The following CELF2 variants were observed in gnomAD, a reference collection of about 807,000 sequenced individuals.
The protein encoded by CELF2 is CUG triplet repeat RNA-binding protein 2.
Under a neutral mutation model 62.6 loss-of-function variants are expected in CELF2, and 8 were observed. The ratio of observed to expected loss-of-function variants is 0.13; its 90% CI spans 0.07 to 0.23. The LOEUF (loss-of-function observed/expected upper bound fraction) is 0.23. Among genes scored for constraint, CELF2 ranks in the 10% least tolerant of loss-of-function variants. The probability of loss-of-function intolerance (pLI) is 1.00; values close to 1 mark genes in which losing one functional copy is unlikely to be tolerated. For synonymous variants in CELF2, 258 were observed against 250.0 expected, an observed-to-expected ratio of 1.03 and a Z score of -0.30; for missense variants, 333 against 671.0, an observed-to-expected ratio of 0.50 and a Z score of 5.56.
chr10:11,103,092 G>C (rs139816305), intron 1 of CELF2, among the ~76,000 whole-genome samples: 3 of 151,970 alleles, frequency 2.0e-5, no homozygotes, highest in Non-Finnish European at 4.4e-5. Flanking sequence ...AAGTCCTAAG[G>C]GTGCCTCACA....
the CELF2 span, among the ~76,000 whole-genome samples, chr10:10,650,440 G>T: frequency 6.6e-6 from 1 of 152,112 alleles, no homozygotes; most frequent in Non-Finnish European, 1.5e-5. Context: ...TTAAAGATAT[G>T]CATACTCTGT....
In CELF2 at chr10:11,261,456, C is replaced by A. The variant is rs76923680; in HGVS notation, c.538+3584C>A. 7.3e-3 allele frequency among the ~76,000 whole-genome samples: 1,082 copies of A among 149,036 alleles called. 17 individuals are homozygous for A. The highest frequency in any genetic ancestry group is 0.055 in the East Asian group (275 of 4,996). ...TTGTAAGTCGTGATCTACCTTTTGG[C>A]AAGAAAAGAAAGTATTTTTAAAATC... On this transcript the variant is annotated intron_variant, in intron 5 of 12. Transcript: ENST00000633077.
At position 11,043,061 on chromosome 10, in the gene CELF2, A is replaced by G. The variant is rs767839819; in HGVS notation, c.74+24898A>G. Among the ~76,000 whole-genome samples the G allele has an allele frequency of 1.8e-4, 27 of 152,318 alleles. 1 individual carries two copies. The South Asian group carries it at 2.9e-3, about 16-fold the overall frequency. ...AGGAGTGAAGTTGCTTGGTCATGCAATAGTTTTTGAGGAAATGTCAACCTG... is the reference window on the plus strand; with the variant it reads ...AGGAGTGAAGTTGCTTGGTCATGCAGTAGTTTTTGAGGAAATGTCAACCTG... On this transcript the variant is annotated intron_variant, in intron 1 of 12. Transcript: ENST00000633077.
At chr10:10,523,706 C>T in the CELF2 span, among the ~76,000 whole-genome samples, 1 of 152,172 alleles carries the variant, frequency 6.6e-6, no homozygotes, top group Admixed American at 6.5e-5. Context: ...TTTTCCATTA[C>T]AACTAGGGAT....
the CELF2 span, among the ~76,000 whole-genome samples, chr10:10,622,940 G>A: frequency 8.6e-5 from 13 of 151,678 alleles, no homozygotes; most frequent in East Asian, 7.8e-4. Flanking sequence ...AAACGTAGCC[G>A]GGCGTGGTGG....
intron 1 of CELF2, chr10:10,919,841 A>G (rs1346942163): frequency 1.9e-6 from 1 of 533,492 alleles, no homozygotes; most frequent in Non-Finnish European, 2.9e-6. Context: ...CTTTCTAACC[A>G]CCTGCATGTA....
the CELF2 span, among the ~76,000 whole-genome samples, chr10:10,470,261 T>A: frequency 5.3e-5 from 8 of 151,890 alleles, no homozygotes; most frequent in Non-Finnish European, 1.5e-5. Flanking sequence ...CATTAATAGT[T>A]TGTGTCTTCT....
the CELF2 span, among the ~76,000 whole-genome samples, chr10:10,543,926 G>A: frequency 3.5e-3 from 538 of 152,222 alleles, 2 homozygotes; most frequent in Middle Eastern, 0.017. Flanking sequence ...AAATGCATGC[G>A]CCCCTAATGA....
chr10:10,593,468 A>G, the CELF2 span, among the ~76,000 whole-genome samples: 1 of 152,218 alleles, frequency 6.6e-6, no homozygotes, highest in Non-Finnish European at 1.5e-5. Context: ...ATGCCCAAGC[A>G]TCTCTCAAGT....
At chr10:11,192,988 G>A (rs1347874729) in intron 2 of CELF2, among the ~76,000 whole-genome samples, 1 of 152,214 alleles carries the variant, frequency 6.6e-6, no homozygotes, top group Non-Finnish European at 1.5e-5. Context: ...GACTTTGGCA[G>A]TGTCTGTGAA....
At chr10:11,250,574 C>T (rs556982787) in intron 4 of CELF2, among the ~76,000 whole-genome samples, 6 of 152,280 alleles carry the variant, frequency 3.9e-5, no homozygotes, top group East Asian at 1.9e-4. Flanking sequence ...CCGTGTGCCA[C>T]GCATGTTGCT....
chr10:10,900,507 A>G (rs1047419084), intron 1 of CELF2, among the ~76,000 whole-genome samples: 3 of 152,204 alleles, frequency 2.0e-5, no homozygotes, highest in East Asian at 1.9e-4. Context: ...AAAACTCTAC[A>G]TTCATTCTTG....
the CELF2 span, among the ~76,000 whole-genome samples, chr10:10,691,781 G>GT: frequency 6.8e-6 from 1 of 147,138 alleles, no homozygotes; most frequent in Non-Finnish European, 1.5e-5. Context: ...TTTTTCATGT[G>GT]TTTTTTGGCT....
chr10:10,564,217 G>C, the CELF2 span, among the ~76,000 whole-genome samples: 3 of 152,222 alleles, frequency 2.0e-5, no homozygotes, highest in Non-Finnish European at 4.4e-5. Flanking sequence ...AGGATTTAAA[G>C]CCTCTCTATT....
At chr10:11,200,199 G>T (rs902285171) in intron 2 of CELF2, among the ~76,000 whole-genome samples, 2 of 152,142 alleles carry the variant, frequency 1.3e-5, no homozygotes, top group South Asian at 2.1e-4. Context: ...GAACCAGTTC[G>T]CCCACATGAT....
intron 1 of CELF2, among the ~76,000 whole-genome samples, chr10:11,140,341 G>A (rs942163341): frequency 6.6e-5 from 10 of 152,006 alleles, no homozygotes; most frequent in African/African-American, 1.9e-4. Flanking sequence ...CCTGGCCTCC[G>A]GTGATCCTTC....
At position 11,218,252 on chromosome 10, in the gene CELF2, A is replaced by G. The variant is rs189548331; in HGVS notation, c.354+745A>G. ...AAATATCAGTGATGAGTTCATAATG[A>G]CATGCATTTGTTATAATGAAGCACC... On this transcript the variant is annotated intron_variant, in intron 3 of 12. Transcript: ENST00000633077. Among the ~76,000 whole-genome samples the G allele has an allele frequency of 1.8e-3, 267 of 152,348 alleles. 2 individuals are homozygous for G. The highest frequency in any genetic ancestry group is 3.3e-3 in the Non-Finnish European group (223 of 68,028).
At chr10:11,028,001 C>T (rs1204116272) in intron 1 of CELF2, among the ~76,000 whole-genome samples, 3 of 152,204 alleles carry the variant, frequency 2.0e-5, no homozygotes, top group Non-Finnish European at 4.4e-5. Context: ...TTCATTGCAG[C>T]TGAAGAGTGA....
chr10:10,820,507 G>A (rs1590785334), intron 1 of CELF2, among the ~76,000 whole-genome samples: 1 of 152,294 alleles, frequency 6.6e-6, no homozygotes, highest in East Asian at 1.9e-4. Flanking sequence ...TCATTGGTGA[G>A]TATAAACAGA....
Sources: allele counts gnomAD v4.1 joint callset (sites outside exome capture counted in the v4.1 genomes callset), GRCh38; gene constraint gnomAD v4.1.1; transcripts MANE v1.5; gene names NCBI Gene and HGNC (gene_info 2026-07-23, HGNC 2026-07-21).